PDZRN3: variants seen among roughly 807,000 people sequenced by gnomAD.
The protein encoded by PDZRN3 is PDZ domain containing ring finger 3, also known as E3 ubiquitin-protein ligase PDZRN3.
A neutral mutation model predicts 85.7 loss-of-function variants in PDZRN3; 38 were observed. The ratio of observed to expected loss-of-function variants is 0.44; its 90% CI spans 0.34 to 0.58. The LOEUF is 0.58. PDZRN3 is among the 20% of genes least tolerant of loss of function. The pLI is 0.01. For missense variants in PDZRN3, 1,629 were observed against 1,506.4 expected (o/e 1.08, Z -1.35); for synonymous variants, 759 against 638.0 (o/e 1.19, Z -2.86).
rs371602592 is a variant in PDZRN3, at chr3:73,489,575, C to CTTTTTTTTTTTTTTTTTTTTTTTTTTTT, written c.919-85181_919-85180insAAAAAAAAAAAAAAAAAAAAAAAAAAAA. Among the ~76,000 whole-genome samples, 4 of 80,096 alleles carry CTTTTTTTTTTTTTTTTTTTTTTTTTTTT rather than the reference C, an allele frequency of 5.0e-5. 1 individual carries two copies. Among genetic ancestry groups the CTTTTTTTTTTTTTTTTTTTTTTTTTTTT allele is most frequent in the African/African-American group, 1.4e-4 (3 of 20,764 alleles). 52.5% of individuals were successfully genotyped at this position (80,096 alleles called of 152,430 possible). On this transcript the variant is annotated intron_variant, in intron 3 of 9. Coordinates refer to ENST00000263666, the MANE Select transcript of PDZRN3 (RefSeq NM_015009.3). The stretch of plus-strand genomic sequence containing the variant: ...GCCATGCATATGGGCAGTTTCTTTT[C>CTTTTTTTTTTTTTTTTTTTTTTTTTTTT]TTTTTTTTTTTTTTTGAGATGGAGT...
chr3:73,400,375 G>T (rs1463139374), intron 5 of PDZRN3, among the ~76,000 whole-genome samples: 1 of 152,232 alleles, frequency 6.6e-6, no homozygotes, highest in Non-Finnish European at 1.5e-5. Context: ...TTGACATTAT[G>T]TAGCATCTTG....
chr3:73,388,062 C>T lies in PDZRN3; in HGVS notation c.1424G>A (p.Gly475Glu), dbSNP rs766407585. The change falls in exon 8 of 10, where the codon GGG becomes GAG. Residue 475 changes from glycine to glutamate, a missense_variant. Gly to Glu is a moderately conservative substitution (Grantham distance 98, BLOSUM62 -2). Coordinates refer to ENST00000263666, the MANE Select transcript of PDZRN3 (RefSeq NM_015009.3). ...REGDRIIQIN[G>E]IEVQNREEAV... ...CTCTTCACGGTTCTGCACCTCTATC[C>T]CATTAATCTTTTAAAAAAAAAGGGG... is the stretch of plus-strand genomic sequence containing the variant. 30 of 1,308,812 alleles carry T rather than the reference C, an allele frequency of 2.3e-5. No homozygotes were observed. Among genetic ancestry groups the T allele is most frequent in the African/African-American group, 3.2e-5 (2 of 61,796 alleles). The allele number at this position is 1,308,812 out of a possible 1,614,324, so 81.1% of individuals were successfully genotyped here.
At chr3:73,396,267 C>T (rs1701634983) in intron 5 of PDZRN3, among the ~76,000 whole-genome samples, 1 of 152,064 alleles carries the variant, frequency 6.6e-6, no homozygotes, top group Admixed American at 6.6e-5. Flanking sequence ...AGGGATGCTT[C>T]AGAGAGTAGC....
intron 3 of PDZRN3, among the ~76,000 whole-genome samples, chr3:73,438,725 A>T (rs539873284): frequency 6.6e-6 from 1 of 151,830 alleles, no homozygotes; most frequent in African/African-American, 2.4e-5. Flanking sequence ...GTGGAACCCC[A>T]CTCTCCCTTC....
At chr3:73,406,202 G>T (rs1409704258) in intron 3 of PDZRN3, among the ~76,000 whole-genome samples, 3 of 152,132 alleles carry the variant, frequency 2.0e-5, no homozygotes, top group Non-Finnish European at 4.4e-5. Context: ...TGGAAAGCAG[G>T]GTTTAACACT....
chr3:73,388,774 T>C (rs1033991325), intron 7 of PDZRN3, among the ~76,000 whole-genome samples: 30 of 151,766 alleles, frequency 2.0e-4, no homozygotes, highest in Admixed American at 2.0e-4. Context: ...GGTGACTCTA[T>C]TGGTTGGAGT....
rs755724654 is a variant in PDZRN3, at chr3:73,384,561, C to A, written c.2005G>T (p.Gly669Cys). The change falls in exon 10 of 10, where the codon GGC (glycine) becomes TGC (cysteine). Residue 669 changes from glycine (G) to cysteine (C), a missense_variant. Coordinates refer to ENST00000263666, the MANE Select transcript of PDZRN3 (RefSeq NM_015009.3). Reference protein sequence around the residue: ...ATPYGLYYPSGPLDAGKSDPE... With the variant: ...ATPYGLYYPSCPLDAGKSDPE... ...TCACTCTTGCCGGCGTCCAGGGGGCCGCTAGGGTAGTACAGGCCGTAAGGG... is the reference window on the plus strand; with the variant it reads ...TCACTCTTGCCGGCGTCCAGGGGGCAGCTAGGGTAGTACAGGCCGTAAGGG... 4.0e-5 allele frequency: 65 copies of A among 1,613,536 alleles called. No individual in the cohort carries two copies. Among genetic ancestry groups the A allele is most frequent in the Non-Finnish European group, 5.3e-5 (63 of 1,180,044 alleles).
intron 3 of PDZRN3, among the ~76,000 whole-genome samples, chr3:73,505,866 C>T (rs80033492): frequency 2.0e-3 from 300 of 152,068 alleles, no homozygotes; most frequent in African/African-American, 6.6e-3. Context: ...TAGAGACCCC[C>T]AACCGACTTT....
intron 3 of PDZRN3, among the ~76,000 whole-genome samples, chr3:73,551,361 A>G (rs1701549870): frequency 6.6e-6 from 1 of 152,186 alleles, no homozygotes; most frequent in East Asian, 1.9e-4. Context: ...AATGGCTATC[A>G]TTGTTTAATG....
chr3:73,543,991 C>T (rs1701355758), intron 3 of PDZRN3, among the ~76,000 whole-genome samples: 1 of 152,206 alleles, frequency 6.6e-6, no homozygotes, highest in Non-Finnish European at 1.5e-5. Flanking sequence ...GGAGGCAGAT[C>T]ACTTGAGGTC....
intron 3 of PDZRN3, among the ~76,000 whole-genome samples, chr3:73,540,155 T>G (rs1704884397): frequency 2.1e-5 from 3 of 141,304 alleles, no homozygotes; most frequent in Non-Finnish European, 3.1e-5. Flanking sequence ...TGTTAAATAC[T>G]AAGAAAAATT....
intron 3 of PDZRN3, among the ~76,000 whole-genome samples, chr3:73,529,218 C>A (rs1024982996): frequency 4.6e-5 from 7 of 152,348 alleles, no homozygotes; most frequent in Admixed American, 1.3e-4. Flanking sequence ...ACTAAGAAAT[C>A]TCAAGAGCTT....
intron 3 of PDZRN3, among the ~76,000 whole-genome samples, chr3:73,585,313 A>G (rs1301836305): frequency 6.6e-6 from 1 of 152,250 alleles, no homozygotes; most frequent in East Asian, 1.9e-4. Context: ...CATAACTGTC[A>G]TTCTATGAGA....
chr3:73,441,267 G>A (rs1209633723), intron 3 of PDZRN3, among the ~76,000 whole-genome samples: 1 of 151,966 alleles, frequency 6.6e-6, no homozygotes, highest in African/African-American at 2.4e-5. Flanking sequence ...ACAAAAATTA[G>A]TTGGGCGTGG....
At chr3:73,606,273 A>G (rs1373709110) in intron 2 of PDZRN3, among the ~76,000 whole-genome samples, 1 of 152,246 alleles carries the variant, frequency 6.6e-6, no homozygotes, top group African/African-American at 2.4e-5. Flanking sequence ...GTGGAGGAAT[A>G]ATTATGAATG....
chr3:73,588,319 T>C (rs1702306848), intron 3 of PDZRN3, among the ~76,000 whole-genome samples: 1 of 152,250 alleles, frequency 6.6e-6, no homozygotes, highest in Non-Finnish European at 1.5e-5. Flanking sequence ...ACATTTTCTT[T>C]GTCCAGGCTA....
intron 3 of PDZRN3, among the ~76,000 whole-genome samples, chr3:73,454,048 C>T (rs116753230): frequency 0.015 from 2,211 of 152,210 alleles, 56 homozygotes; most frequent in African/African-American, 0.05. Context: ...GTGAAAAGTA[C>T]AGGTAAAAAT....
chr3:73,529,659 T>C (rs1314543390), intron 3 of PDZRN3, among the ~76,000 whole-genome samples: 2 of 152,202 alleles, frequency 1.3e-5, no homozygotes, highest in Admixed American at 1.3e-4. Flanking sequence ...AAAATAAAGC[T>C]GGTTATCAAG....
At chr3:73,505,836 A>C (rs1409040276) in intron 3 of PDZRN3, among the ~76,000 whole-genome samples, 1 of 152,078 alleles carries the variant, frequency 6.6e-6, no homozygotes, top group East Asian at 1.9e-4. Flanking sequence ...TTTGAGGCAA[A>C]AAATAAAATT....
Sources: gnomAD v4.1 joint callset for allele counts (sites outside exome capture counted in the v4.1 genomes callset) on GRCh38, gnomAD v4.1.1 for gene constraint, MANE v1.5 for transcripts, NCBI Gene and HGNC (gene_info 2026-07-23, HGNC 2026-07-21) for gene names.